C8A: variants seen among roughly 807,000 people sequenced by gnomAD.
C8A encodes complement C8 alpha chain.
C8A carries 67 observed loss-of-function variants against 65.3 expected under a neutral mutation model. That is an observed-to-expected ratio of 1.03 (90% CI 0.84 to 1.26). The LOEUF is 1.26. Ranked by LOEUF, C8A falls within the 50% of genes most tolerant of loss-of-function variation. C8A has a pLI of 0.00. For synonymous variants in C8A, 290 were observed against 259.4 expected (o/e 1.12, Z -1.13); for missense variants, 781 against 723.9 (o/e 1.08, Z -0.90).
intron 7 of C8A, 128 bp from the exon 8 acceptor site, chr1:56,906,539 C>T (rs1003544772): frequency 6.6e-5 from 66 of 1,003,508 alleles, no homozygotes; most frequent in South Asian, 5.8e-4. Context: ...ATTAAAGAAC[C>T]GGGCTTTCAA....
chr1:56,855,661 T>G (rs1438384327), intron 1 of C8A, among the ~76,000 whole-genome samples: 1 of 151,962 alleles, frequency 6.6e-6, no homozygotes, highest in Admixed American at 6.6e-5. Context: ...TATCTTAATA[T>G]TAAGTATTTT....
At position 56,863,579 on chromosome 1, in the gene C8A, A is replaced by G. The variant is rs548475036; in HGVS notation, c.78-4030A>G. On this transcript the variant is annotated intron_variant, in intron 1 of 10. Coordinates refer to ENST00000361249, the MANE Select transcript of C8A (RefSeq NM_000562.3). Reference sequence around the variant, plus strand: ...TAGTGAGATGCAGAAATAATGCTGGAGTCCTTTTCTGTTCTCAAACCTTCT... The same window carrying G: ...TAGTGAGATGCAGAAATAATGCTGGGGTCCTTTTCTGTTCTCAAACCTTCT... Among the ~76,000 whole-genome samples, 3 of 152,264 alleles carry G rather than the reference A, an allele frequency of 2.0e-5. No individual in the cohort carries two copies. In the East Asian group the frequency reaches 5.8e-4, roughly 29 times the overall value.
intron 1 of C8A, among the ~76,000 whole-genome samples, chr1:56,857,570 T>C (rs114383046): frequency 1.3e-5 from 2 of 152,186 alleles, no homozygotes; most frequent in African/African-American, 2.4e-5. Flanking sequence ...AGGCTTGCTT[T>C]AGCTAGTCTA....
At chr1:56,896,272 T>C (rs910328842) in intron 7 of C8A, among the ~76,000 whole-genome samples, 1 of 152,140 alleles carries the variant, frequency 6.6e-6, no homozygotes, top group Non-Finnish European at 1.5e-5. Context: ...TCATGTGATA[T>C]GGAGTCTGAC....
intron 9 of C8A, 115 bp downstream of exon 9, chr1:56,908,228 T>C: frequency 1.6e-6 from 2 of 1,223,682 alleles, no homozygotes; most frequent in East Asian, 2.4e-5. Context: ...TTAAATGTAA[T>C]GGCACACTGA....
At chr1:56,895,446 G>A (rs540556496) in intron 7 of C8A, among the ~76,000 whole-genome samples, 1 of 152,242 alleles carries the variant, frequency 6.6e-6, no homozygotes, top group East Asian at 1.9e-4. Context: ...ACTTGGTGAA[G>A]TCAAACTCAA....
At chr1:56,900,526 C>G (rs1401637898) in intron 7 of C8A, among the ~76,000 whole-genome samples, 3 of 152,168 alleles carry the variant, frequency 2.0e-5, no homozygotes, top group African/African-American at 4.8e-5. Flanking sequence ...CTCTTAACCA[C>G]CACAATTCCT....
rs1644518492 is a variant in C8A at position 56,912,612 on chromosome 1, A to G, written c.1590A>G (p.Gln530=). 1.2e-6 allele frequency: 2 copies of G among 1,613,946 alleles called. No individual in the cohort carries two copies. The highest frequency in any genetic ancestry group is 1.7e-6 in the Non-Finnish European group (2 of 1,179,940). The change falls in exon 10 of 11, where the codon CAA becomes CAG. Residue 530 remains glutamine (Q), a synonymous_variant. Coordinates refer to ENST00000361249, the MANE Select transcript of C8A (RefSeq NM_000562.3). Reference sequence around the variant, plus strand: ...GTAGCTTGGGTGCTGCCTGTGAGCAAACACAGACAGAAGGTAAGGTCCGTG... The same window carrying G: ...GTAGCTTGGGTGCTGCCTGTGAGCAGACACAGACAGAAGGTAAGGTCCGTG... ...RLGSLGAACE[Q]TQTEGAKADG... is the part of the protein sequence containing the mutation.
At chr1:56,886,250 G>A in intron 7 of C8A, 83 bp downstream of exon 7, 1 of 1,522,348 alleles carries the variant, frequency 6.6e-7, no homozygotes, top group Admixed American at 1.7e-5. Context: ...CACTGACTAT[G>A]AGCCATGGGT....
intron 7 of C8A, 43 bp from the exon 8 acceptor site, chr1:56,906,624 T>C (rs776828493): frequency 6.2e-7 from 1 of 1,612,636 alleles, no homozygotes; most frequent in African/African-American, 1.3e-5. Flanking sequence ...CAAGTGTCTT[T>C]TAATAACTCA....
chr1:56,867,932 T>C (rs866172673), intron 2 of C8A, among the ~76,000 whole-genome samples: 1 of 152,132 alleles, frequency 6.6e-6, no homozygotes, highest in African/African-American at 2.4e-5. Flanking sequence ...TTATGGCTCA[T>C]AGGCAGAAAA....
chr1:56,863,202 A>G (rs1644051147), intron 1 of C8A, among the ~76,000 whole-genome samples: 1 of 152,200 alleles, frequency 6.6e-6, no homozygotes, highest in Non-Finnish European at 1.5e-5. Context: ...GATCTTTCTT[A>G]TGTTCTCTGT....
At chr1:56,875,731 A>G (rs567198686) in intron 3 of C8A, among the ~76,000 whole-genome samples, 1 of 152,230 alleles carries the variant, frequency 6.6e-6, no homozygotes, top group South Asian at 2.1e-4. Context: ...ATGGGCAGGT[A>G]GGGTCCAGAC....
chr1:56,900,938 CAT>C (rs1644422037), intron 7 of C8A, among the ~76,000 whole-genome samples: 2 of 152,170 alleles, frequency 1.3e-5, no homozygotes, highest in South Asian at 4.1e-4. Flanking sequence ...GGAACATAGA[CAT>C]AGGGCCCTTG....
Position 56,854,892 on chromosome 1 carries a change from T to G in C8A, c.-10T>G. The G allele has an allele frequency of 6.2e-7, 1 of 1,612,670 alleles. No homozygotes were observed. The highest frequency in any genetic ancestry group is 8.5e-7 in the Non-Finnish European group (1 of 1,179,260). On this transcript the variant is annotated 5_prime_UTR_variant, in exon 1 of 11. Transcript: ENST00000361249. ...TTCAAGGTAATATAGTGCGGTGGCT[T>G]CTGGCTGAGATGTTTGCTGTTGTTT...
intron 2 of C8A, 95 bp from the exon 3 acceptor site, chr1:56,874,854 T>C: frequency 7.4e-7 from 1 of 1,359,672 alleles, no homozygotes; most frequent in Non-Finnish European, 1.0e-6. Flanking sequence ...CATTAGATAA[T>C]TATTTCTTAT....
chr1:56,893,526 G>T (rs1214282424), intron 7 of C8A, among the ~76,000 whole-genome samples: 1 of 152,150 alleles, frequency 6.6e-6, no homozygotes, highest in Non-Finnish European at 1.5e-5. Flanking sequence ...ACAAGGGCTT[G>T]TTTGGTTGAA....
intron 8 of C8A, 41 bp downstream of exon 8, chr1:56,906,833 G>C (rs2101297088): frequency 6.2e-7 from 1 of 1,613,416 alleles, no homozygotes; most frequent in Non-Finnish European, 8.5e-7. Flanking sequence ...GAGAAGCCAG[G>C]CTTTCCTTTG....
chr1:56,890,445 A>T (rs1279862321), intron 7 of C8A, among the ~76,000 whole-genome samples: 2 of 152,168 alleles, frequency 1.3e-5, no homozygotes, highest in Non-Finnish European at 2.9e-5. Context: ...AAACAAAATA[A>T]ACAGCCAAAG....
Sources: gnomAD v4.1 joint callset for allele counts (sites outside exome capture counted in the v4.1 genomes callset) on GRCh38, gnomAD v4.1.1 for gene constraint, MANE v1.5 for transcripts, NCBI Gene and HGNC (gene_info 2026-07-23, HGNC 2026-07-21) for gene names.